Variants in MAP3K20 observed in about 807,000 individuals in gnomAD.
MAP3K20 encodes mitogen-activated protein kinase kinase kinase 20.
A neutral mutation model predicts 85.7 loss-of-function variants in MAP3K20; 40 were observed. That is an observed-to-expected ratio of 0.47 (90% CI 0.36 to 0.61). The LOEUF (loss-of-function observed/expected upper bound fraction) is 0.61, where lower values mean the gene tolerates loss of function less well. Among genes scored for constraint, MAP3K20 ranks in the 20% least tolerant of loss-of-function variants. The probability of loss-of-function intolerance (pLI) is 0.00; values close to 1 mark genes in which losing one functional copy is unlikely to be tolerated. For missense variants in MAP3K20, 817 were observed against 961.7 expected, an observed-to-expected ratio of 0.85 and a Z score of 1.99; for synonymous variants, 325 against 327.7, an observed-to-expected ratio of 0.99 and a Z score of 0.09.
chr2:173,225,125 A>T, intron 11 of MAP3K20: 3 of 836,510 alleles, frequency 3.6e-6, no homozygotes, highest in Non-Finnish European at 3.9e-6. Flanking sequence ...GTAGAATTTG[A>T]TGAGACCCTC....
At chr2:173,200,607 T>G (rs1407840000) in intron 8 of MAP3K20, among the ~76,000 whole-genome samples, 1 of 152,062 alleles carries the variant, frequency 6.6e-6, no homozygotes, top group African/African-American at 2.4e-5. Flanking sequence ...TAATTATAGA[T>G]TCACAGGAGT....
At chr2:173,264,531 C>A (rs890669005) in intron 19 of MAP3K20, among the ~76,000 whole-genome samples, 1 of 152,188 alleles carries the variant, frequency 6.6e-6, no homozygotes, top group Non-Finnish European at 1.5e-5. Context: ...ACAGACTACC[C>A]GTCAGCAATT....
intron 16 of MAP3K20, among the ~76,000 whole-genome samples, chr2:173,246,727 A>G (rs749115564): frequency 2.6e-5 from 4 of 152,166 alleles, no homozygotes; most frequent in Admixed American, 6.5e-5. Context: ...CCTCTCCCCA[A>G]TAAGGCAAAG....
chr2:173,266,696 C>A lies in MAP3K20; in HGVS notation c.2349C>A (p.Ala783=). Residue 783 remains alanine, a synonymous_variant, in exon 20 of 20, where the codon GCC becomes GCA. Transcript: ENST00000375213. ...YRKKPHRPSP[A]KTNKERARGD... is the part of the protein sequence containing the mutation. ...AAAAGCCCCACAGGCCATCTCCCGC[C>A]AAAACCAATAAAGAGAGAGCCAGAG... 6.3e-7 allele frequency: 1 copy of A among 1,593,074 alleles called. No homozygotes were observed. The highest frequency in any genetic ancestry group is 8.5e-7 in the Non-Finnish European group (1 of 1,170,486).
At chr2:173,132,265 G>A (rs748983982) in intron 2 of MAP3K20, among the ~76,000 whole-genome samples, 2 of 152,108 alleles carry the variant, frequency 1.3e-5, no homozygotes, top group Non-Finnish European at 2.9e-5. Context: ...AGAAACTTTT[G>A]TTGGTTCTCC....
chr2:173,085,303 CAAG>C (rs1687116113), intron 1 of MAP3K20, among the ~76,000 whole-genome samples: 1 of 152,076 alleles, frequency 6.6e-6, no homozygotes, highest in Non-Finnish European at 1.5e-5. Context: ...TCTGAAAAAT[CAAG>C]AAGCAAAATA....
intron 2 of MAP3K20, among the ~76,000 whole-genome samples, chr2:173,151,914 C>T (rs1439133783): frequency 1.3e-5 from 2 of 152,188 alleles, no homozygotes; most frequent in African/African-American, 2.4e-5. Flanking sequence ...AGATTGTACT[C>T]AGCTTACAAC....
chr2:173,225,900 T>G, intron 11 of MAP3K20: 1 of 972,188 alleles, frequency 1.0e-6, no homozygotes, highest in Non-Finnish European at 1.2e-6. Context: ...TTACACTGAT[T>G]CCACAATTAA....
chr2:173,225,998 A>C, intron 11 of MAP3K20: 2 of 985,388 alleles, frequency 2.0e-6, no homozygotes, highest in Non-Finnish European at 2.4e-6. Flanking sequence ...TTTGAAAGCA[A>C]AATTACATTT....
chr2:173,230,986 G>A (rs748662362), intron 12 of MAP3K20, among the ~76,000 whole-genome samples: 1 of 151,810 alleles, frequency 6.6e-6, no homozygotes, highest in Non-Finnish European at 1.5e-5. Flanking sequence ...ACAGAGCAAG[G>A]CTTCATCTCA....
rs767947805 is a variant in MAP3K20 at position 173,209,847 on chromosome 2, C to T, written c.851+12C>T. On this transcript the variant is annotated intron_variant, in intron 10 of 19. Transcript: ENST00000375213. ...AAGGCGGAGTGGAGGTGGGTAGCCC[C>T]GACAGCAGGCCACAGCGTCTGGCTT... The T allele has an allele frequency of 2.2e-5, 36 of 1,607,670 alleles. No homozygotes were observed. Among genetic ancestry groups the T allele is most frequent in the South Asian group, 1.8e-4 (16 of 90,960 alleles).
At chr2:173,259,830 A>G (rs1685245965) in intron 17 of MAP3K20, among the ~76,000 whole-genome samples, 1 of 152,204 alleles carries the variant, frequency 6.6e-6, no homozygotes, top group African/African-American at 2.4e-5. Flanking sequence ...TTGTCAGGAC[A>G]CAGTATGTTG....
intron 2 of MAP3K20, among the ~76,000 whole-genome samples, chr2:173,143,225 A>G (rs1373062782): frequency 3.9e-5 from 6 of 152,188 alleles, no homozygotes; most frequent in African/African-American, 1.4e-4. Context: ...TTCAGGAACC[A>G]AAAGTATTAC....
intron 7 of MAP3K20, 78 bp from the exon 8 acceptor site, chr2:173,197,946 CAT>C: frequency 7.9e-7 from 1 of 1,264,672 alleles, no homozygotes; most frequent in East Asian, 2.6e-5. Context: ...GATACAATTA[CAT>C]GTTAGATAAG....
chr2:173,253,627 A>C (rs1202928860), intron 16 of MAP3K20, among the ~76,000 whole-genome samples: 1 of 152,202 alleles, frequency 6.6e-6, no homozygotes, highest in Non-Finnish European at 1.5e-5. Flanking sequence ...GTTTTGAAAA[A>C]GGAGTACTTT....
intron 11 of MAP3K20, chr2:173,223,675 C>CT (rs1269644223): frequency 2.0e-6 from 2 of 985,340 alleles, no homozygotes; most frequent in East Asian, 2.3e-4. Flanking sequence ...TGAGGTGAGA[C>CT]TAAACACAAA....
rs1054008495 is a variant in MAP3K20, at chr2:173,139,956, A to G, written c.160-29849A>G. ...GTGTAAAACAAGAAATTTCAGCAGT[A>G]TGCAAAGTAAAAAAGCAGTTTTCCT... is the stretch of plus-strand genomic sequence containing the variant. On this transcript the variant is annotated intron_variant, in intron 2 of 19. Coordinates refer to ENST00000375213, the MANE Select transcript of MAP3K20 (RefSeq NM_016653.3). 9.2e-5 allele frequency among the ~76,000 whole-genome samples: 14 copies of G among 152,244 alleles called. No individual in the cohort carries two copies. The South Asian group carries it at 2.5e-3, about 27-fold the overall frequency.
chr2:173,232,111 T>G, intron 12 of MAP3K20, 81 bp from the exon 13 acceptor site: 1 of 1,539,122 alleles, frequency 6.5e-7, no homozygotes, highest in South Asian at 1.1e-5. Flanking sequence ...TTTGATCTAT[T>G]GAAAACTCTA....
intron 2 of MAP3K20, among the ~76,000 whole-genome samples, chr2:173,145,144 G>C (rs1210248233): frequency 6.6e-6 from 1 of 152,012 alleles, no homozygotes; most frequent in African/African-American, 2.4e-5. Flanking sequence ...AGAAAGCAAA[G>C]GTAATCTCTT....
Sources: allele counts gnomAD v4.1 joint callset (sites outside exome capture counted in the v4.1 genomes callset), GRCh38; gene constraint gnomAD v4.1.1; transcripts MANE v1.5; gene names NCBI Gene and HGNC (gene_info 2026-07-23, HGNC 2026-07-21).